The following RAB38 variants were observed in gnomAD, a reference collection of about 807,000 sequenced individuals.
RAB38 encodes the protein ras-related protein Rab-38.
A neutral mutation model predicts 18.4 loss-of-function variants in RAB38; 15 were observed. The ratio of observed to expected loss-of-function variants is 0.82; its 90% CI spans 0.55 to 1.26. The LOEUF is 1.26. Ranked by LOEUF, RAB38 falls within the 50% of genes most tolerant of loss-of-function variation. The pLI is 0.00. For synonymous variants in RAB38, 101 were observed against 104.4 expected, an observed-to-expected ratio of 0.97 and a Z score of 0.20; for missense variants, 294 against 267.4, an observed-to-expected ratio of 1.10 and a Z score of -0.69.
chr11:87,948,103 T>A, the RAB38 span, among the ~76,000 whole-genome samples: 2 of 152,194 alleles, frequency 1.3e-5, no homozygotes, highest in African/African-American at 4.8e-5. Context: ...CTTGAAGAGG[T>A]CCTTCACGTC....
intron 2 of RAB38, among the ~76,000 whole-genome samples, chr11:88,118,452 T>C (rs1942586265): frequency 6.6e-6 from 1 of 152,346 alleles, no homozygotes; most frequent in East Asian, 1.9e-4. Flanking sequence ...GATTGCAATA[T>C]AATTGATTGA....
the RAB38 span, among the ~76,000 whole-genome samples, chr11:87,866,514 A>G: frequency 2.6e-5 from 4 of 151,850 alleles, no homozygotes; most frequent in African/African-American, 7.2e-5. Context: ...GCTGAATTCT[A>G]TTATTGATTT....
chr11:88,003,957 A>G, the RAB38 span, among the ~76,000 whole-genome samples: 1 of 123,272 alleles, frequency 8.1e-6, no homozygotes, highest in East Asian at 2.2e-4. Context: ...AGATATATAT[A>G]TACCTATATA....
chr11:88,069,674 T>C, the RAB38 span, among the ~76,000 whole-genome samples: 1 of 152,140 alleles, frequency 6.6e-6, no homozygotes, highest in South Asian at 2.1e-4. Context: ...AGCTAAAAGA[T>C]TGTAAATACA....
intron 1 of RAB38, among the ~76,000 whole-genome samples, chr11:88,160,806 G>T: frequency 6.6e-6 from 1 of 151,968 alleles, no homozygotes; most frequent in East Asian, 1.9e-4. Flanking sequence ...TGAAGATAAT[G>T]ACAACAGAAA....
chr11:88,020,268 A>T, the RAB38 span, among the ~76,000 whole-genome samples: 2 of 152,188 alleles, frequency 1.3e-5, no homozygotes, highest in Admixed American at 1.3e-4. Context: ...ATGGAAAAAG[A>T]GCCAATGAAA....
At chr11:88,125,829 T>C (rs908461882) in intron 2 of RAB38, among the ~76,000 whole-genome samples, 14 of 152,302 alleles carry the variant, frequency 9.2e-5, no homozygotes, top group Non-Finnish European at 1.9e-4. Context: ...GGTTTTCTTC[T>C]AGGGTTTTTA....
At chr11:87,912,762 C>CTTTTTTTTTT in the RAB38 span, among the ~76,000 whole-genome samples, 20 of 86,556 alleles carry the variant, frequency 2.3e-4, no homozygotes, top group Non-Finnish European at 3.0e-4. Flanking sequence ...AATTTTCTTT[C>CTTTTTTTTTT]TTTCTTTTTT....
downstream of RAB38, among the ~76,000 whole-genome samples, chr11:88,109,998 C>G (rs576769025): frequency 6.6e-6 from 1 of 152,260 alleles, no homozygotes; most frequent in Non-Finnish European, 1.5e-5. Context: ...TACCATTTGA[C>G]CCAGCAATCC....
the RAB38 span, among the ~76,000 whole-genome samples, chr11:88,074,854 T>C: frequency 9.0e-4 from 137 of 152,188 alleles, no homozygotes; most frequent in African/African-American, 3.3e-3. Flanking sequence ...AGTAAAGAGG[T>C]GGAAAAGGTA....
chr11:88,035,990 A>T, the RAB38 span, among the ~76,000 whole-genome samples: 7 of 152,296 alleles, frequency 4.6e-5, no homozygotes, highest in African/African-American at 1.7e-4. Context: ...GCAAAAAATA[A>T]TAAAATTAAA....
chr11:87,824,266 T>C, the RAB38 span, among the ~76,000 whole-genome samples: 2 of 152,176 alleles, frequency 1.3e-5, no homozygotes, highest in African/African-American at 2.4e-5. Context: ...ATTGGCCCAC[T>C]AGAAAATATC....
At chr11:87,973,170 A>T in the RAB38 span, among the ~76,000 whole-genome samples, 1 of 152,136 alleles carries the variant, frequency 6.6e-6, no homozygotes, top group African/African-American at 2.4e-5. Flanking sequence ...GGACTAATAC[A>T]CAAGGAAAGA....
chr11:87,866,176 T>C, the RAB38 span, among the ~76,000 whole-genome samples: 2 of 151,540 alleles, frequency 1.3e-5, no homozygotes, highest in Non-Finnish European at 3.0e-5. Flanking sequence ...GTGTGGGGCA[T>C]AGGGGATCAG....
the RAB38 span, among the ~76,000 whole-genome samples, chr11:87,811,625 C>T: frequency 2.6e-5 from 4 of 152,088 alleles, no homozygotes; most frequent in African/African-American, 7.2e-5. Context: ...CTCAGTTGTA[C>T]GGTGAACATT....
At chr11:88,108,752 A>G (rs1405001259), downstream of RAB38, among the ~76,000 whole-genome samples, 2 of 152,112 alleles carry the variant, frequency 1.3e-5, no homozygotes, top group South Asian at 2.1e-4. Flanking sequence ...GGTCTTTACA[A>G]TTTGGTATGT....
At chr11:88,018,855 T>C in the RAB38 span, among the ~76,000 whole-genome samples, 7 of 152,202 alleles carry the variant, frequency 4.6e-5, no homozygotes, top group Non-Finnish European at 7.3e-5. Context: ...CAGAGATTGA[T>C]TGGTTGAATC....
At chr11:87,898,024 T>G in the RAB38 span, among the ~76,000 whole-genome samples, 1 of 151,564 alleles carries the variant, frequency 6.6e-6, no homozygotes, top group East Asian at 2.0e-4. Flanking sequence ...ATTGGAAGTC[T>G]TTACCTTATT....
the RAB38 span, chr11:88,099,962 C>T: frequency 1.3e-5 from 2 of 151,732 alleles, no homozygotes; most frequent in Non-Finnish European, 2.9e-5. Context: ...TGATTAAGAA[C>T]TTCATTCTCC....
Sources: gnomAD v4.1 joint callset for allele counts (sites outside exome capture counted in the v4.1 genomes callset) on GRCh38, gnomAD v4.1.1 for gene constraint, MANE v1.5 for transcripts, NCBI Gene and HGNC (gene_info 2026-07-23, HGNC 2026-07-21) for gene names.